The following RCAN2 variants were observed in gnomAD, a reference collection of about 807,000 sequenced individuals.
RCAN2 encodes the protein regulator of calcineurin 2, also known as calcipressin-2.
A neutral mutation model predicts 23.6 loss-of-function variants in RCAN2; 9 were observed. That is an observed-to-expected ratio of 0.38 (90% CI 0.23 to 0.67). RCAN2 has a LOEUF of 0.67. Ranked by LOEUF, RCAN2 falls within the 30% of genes least tolerant of loss-of-function variation. The pLI is 0.51. For missense variants in RCAN2, 273 were observed against 302.3 expected (o/e 0.90, Z 0.72); for synonymous variants, 109 against 115.7 (o/e 0.94, Z 0.37).
At chr6:46,451,287 T>C (rs1229954562) in intron 2 of RCAN2, among the ~76,000 whole-genome samples, 2 of 152,168 alleles carry the variant, frequency 1.3e-5, no homozygotes, top group Non-Finnish European at 2.9e-5. Context: ...GGATGTGTAA[T>C]ACTGGGCACA....
At chr6:46,461,944 A>G (rs893946176) in intron 1 of RCAN2, among the ~76,000 whole-genome samples, 1 of 152,172 alleles carries the variant, frequency 6.6e-6, no homozygotes, top group Middle Eastern at 3.2e-3. Context: ...TACCTTACAG[A>G]TCTACATGAA....
At chr6:46,335,089 T>C (rs1224874177) in intron 2 of RCAN2, among the ~76,000 whole-genome samples, 1 of 152,240 alleles carries the variant, frequency 6.6e-6, no homozygotes, top group Non-Finnish European at 1.5e-5. Flanking sequence ...GGCCCTTAGC[T>C]GGCTGGTCAG....
intron 2 of RCAN2, among the ~76,000 whole-genome samples, chr6:46,257,006 T>G (rs560550496): frequency 6.6e-6 from 1 of 152,302 alleles, no homozygotes; most frequent in South Asian, 2.1e-4. Context: ...GGCAGAAGGA[T>G]CTGTCCAGCA....
Position 46,221,952 on chromosome 6 carries a change from A to G in RCAN2, c.*1189T>C, listed in dbSNP as rs1435384728. On this transcript the variant is annotated 3_prime_UTR_variant, in exon 5 of 5. Coordinates refer to ENST00000371374, the MANE Select transcript of RCAN2 (RefSeq NM_001251974.2). Reference sequence around the variant, plus strand: ...AGCACACGGGTGTCGCGTGAGTAGGACCGGCATACATGTAGCTATCATCCT... The same window carrying G: ...AGCACACGGGTGTCGCGTGAGTAGGGCCGGCATACATGTAGCTATCATCCT... The G allele has an allele frequency of 5.0e-6, 2 of 398,458 alleles. No homozygotes were observed. Among genetic ancestry groups the G allele is most frequent in the South Asian group, 1.3e-4 (1 of 7,860 alleles). The allele number at this position is 398,458 out of a possible 1,614,324, so 24.7% of individuals were successfully genotyped here.
At chr6:46,388,023 C>T (rs1288137354) in intron 2 of RCAN2, among the ~76,000 whole-genome samples, 3 of 151,472 alleles carry the variant, frequency 2.0e-5, no homozygotes, top group Admixed American at 6.6e-5. Flanking sequence ...AAACACCGCA[C>T]GTTCTCACTC....
At chr6:46,250,690 A>G (rs1766681047) in intron 2 of RCAN2, among the ~76,000 whole-genome samples, 1 of 152,208 alleles carries the variant, frequency 6.6e-6, no homozygotes, top group Admixed American at 6.5e-5. Flanking sequence ...CAACTTGATA[A>G]AGAATTATAC....
intron 3 of RCAN2, among the ~76,000 whole-genome samples, chr6:46,247,915 G>T (rs1582027535): frequency 1.3e-5 from 2 of 152,178 alleles, no homozygotes; most frequent in East Asian, 3.9e-4. Context: ...AACTGAGTGA[G>T]ATTTTAAAGA....
intron 1 of RCAN2, among the ~76,000 whole-genome samples, chr6:46,466,650 T>C (rs1768394977): frequency 6.6e-6 from 1 of 151,968 alleles, no homozygotes; most frequent in Non-Finnish European, 1.5e-5. Flanking sequence ...CTTCCATAAC[T>C]CCACAGGACC....
chr6:46,385,564 C>G (rs772691090), intron 2 of RCAN2, among the ~76,000 whole-genome samples: 1 of 152,088 alleles, frequency 6.6e-6, no homozygotes, highest in Non-Finnish European at 1.5e-5. Flanking sequence ...GGATTAAAGA[C>G]TTAAATGTAG....
Position 46,224,510 on chromosome 6 carries a change from C to A in RCAN2, c.572-1209G>T, listed in dbSNP as rs148793228. On this transcript the variant is annotated intron_variant, in intron 4 of 4. Coordinates refer to ENST00000371374, the MANE Select transcript of RCAN2 (RefSeq NM_001251974.2). ...TTGGTCAAACTGGTTTATCTGTTGG[C>A]CCCTAATCATGACAGCTACATTCTT... Among the ~76,000 whole-genome samples the A allele has an allele frequency of 8.0e-3, 1,222 of 152,266 alleles. 27 individuals carry two copies. Among genetic ancestry groups the A allele is most frequent in the African/African-American group, 0.028 (1,179 of 41,534 alleles).
Position 46,419,077 on chromosome 6 carries a change from G to A in RCAN2, c.225+37675C>T, listed in dbSNP as rs368300186. On this transcript the variant is annotated intron_variant, in intron 2 of 4. Transcript: ENST00000371374. ...GGCTACAATCTGTGCTCTTCAGGCC[G>A]TGTGCATATATTGTAGGCATATGGT... Among the ~76,000 whole-genome samples, 124 of 152,176 alleles carry A rather than the reference G, an allele frequency of 8.1e-4. 1 individual carries two copies. The highest frequency in any genetic ancestry group is 2.8e-3 in the African/African-American group (117 of 41,526).
At chr6:46,275,812 G>A (rs1046890651) in intron 2 of RCAN2, among the ~76,000 whole-genome samples, 2 of 152,186 alleles carry the variant, frequency 1.3e-5, no homozygotes, top group African/African-American at 4.8e-5. Context: ...CGACCAGAAA[G>A]TTTCTTAAAG....
chr6:46,325,688 C>T, intron 2 of RCAN2: 1 of 1,364,414 alleles, frequency 7.3e-7, no homozygotes, highest in Non-Finnish European at 9.4e-7. Context: ...GCCCGGCTCG[C>T]TCATGGCAAT....
intron 2 of RCAN2, among the ~76,000 whole-genome samples, chr6:46,386,205 C>T (rs1765740103): frequency 6.6e-6 from 1 of 152,008 alleles, no homozygotes; most frequent in African/African-American, 2.4e-5. Context: ...AAAAAGTGGA[C>T]AAAGGATATG....
chr6:46,286,780 A>G (rs541042830), intron 2 of RCAN2, among the ~76,000 whole-genome samples: 5 of 152,294 alleles, frequency 3.3e-5, no homozygotes, highest in East Asian at 3.9e-4. Context: ...AGGCAGGTGG[A>G]TCACCTGAGG....
Position 46,223,049 on chromosome 6 carries a change from C to A in RCAN2, c.*92G>T. The A allele has an allele frequency of 7.2e-7, 1 of 1,386,212 alleles. No individual in the cohort carries two copies. 85.9% of individuals were successfully genotyped at this position (1,386,212 alleles called of 1,614,324 possible). ...GAAGGAATCTCAAACAACCAAACAC[C>A]CAGGAATTTAAAGGCAATTTTTTTT... On this transcript the variant is annotated 3_prime_UTR_variant, in exon 5 of 5. Transcript: ENST00000371374.
intron 2 of RCAN2, among the ~76,000 whole-genome samples, chr6:46,298,744 A>C (rs1443999321): frequency 6.6e-6 from 1 of 152,122 alleles, no homozygotes; most frequent in East Asian, 1.9e-4. Flanking sequence ...TCAACCCAGC[A>C]ATCTCACTAC....
intron 2 of RCAN2, among the ~76,000 whole-genome samples, chr6:46,319,372 G>A (rs1010658756): frequency 4.6e-5 from 7 of 152,128 alleles, no homozygotes; most frequent in African/African-American, 1.7e-4. Flanking sequence ...ATTAAAATCT[G>A]TTTCTTTAGG....
At chr6:46,485,087 C>A (rs1236243821) in intron 1 of RCAN2, among the ~76,000 whole-genome samples, 1 of 152,154 alleles carries the variant, frequency 6.6e-6, no homozygotes, top group Non-Finnish European at 1.5e-5. Context: ...CCACTTCTAA[C>A]AATCTGTCCT....
Sources: allele counts gnomAD v4.1 joint callset (sites outside exome capture counted in the v4.1 genomes callset), GRCh38; gene constraint gnomAD v4.1.1; transcripts MANE v1.5; gene names NCBI Gene and HGNC (gene_info 2026-07-23, HGNC 2026-07-21).